Variants in NDC1 observed in about 807,000 individuals in gnomAD.
NDC1 encodes the protein nucleoporin NDC1.
In NDC1, 24 loss-of-function variants were observed where a neutral mutation model predicts 89.8. That is an observed-to-expected ratio of 0.27 (90% CI 0.19 to 0.38). The LOEUF is 0.38. Ranked by LOEUF, NDC1 falls within the 10% of genes least tolerant of loss-of-function variation. The pLI is 1.00. For missense variants in NDC1, 728 were observed against 797.6 expected, an observed-to-expected ratio of 0.91 and a Z score of 1.05; for synonymous variants, 296 against 284.8, an observed-to-expected ratio of 1.04 and a Z score of -0.39.
intron 9 of NDC1, among the ~76,000 whole-genome samples, chr1:53,804,542 T>A (rs1452878328): frequency 6.6e-6 from 1 of 152,170 alleles, no homozygotes; most frequent in East Asian, 1.9e-4. Context: ...AGTGATGTGA[T>A]CTCGGCTCAC....
chr1:53,778,014 A>T lies in NDC1; in HGVS notation c.1801-5525T>A, dbSNP rs551056986. ...GCGCCCGGAGAATCTTTTTTTTTTTAAAGTGATGTGATGTTGTAACAAAAG... is the reference window on the plus strand; with the variant it reads ...GCGCCCGGAGAATCTTTTTTTTTTTTAAGTGATGTGATGTTGTAACAAAAG... On this transcript the variant is annotated intron_variant, in intron 16 of 17. Transcript: ENST00000371429. Among the ~76,000 whole-genome samples, 612 of 151,280 alleles carry T rather than the reference A, an allele frequency of 4.0e-3. 4 individuals are homozygous for T. The highest frequency in any genetic ancestry group is 0.014 in the African/African-American group (578 of 41,270).
intron 9 of NDC1, 103 bp from the exon 10 acceptor site, chr1:53,804,112 A>G (rs1224179176): frequency 3.5e-6 from 3 of 847,686 alleles, no homozygotes; most frequent in Non-Finnish European, 1.9e-6. Context: ...AATTAATTAA[A>G]CTTTTTCATG....
rs537710951 is a variant in NDC1, at chr1:53,769,732, T to C, written c.1962-1699A>G. On this transcript the variant is annotated intron_variant, in intron 17 of 17. Transcript: ENST00000371429. ...TGTAGACTGCACAGTGGGCTTTACC[T>C]ACGTATGATCCCATTTTATCTTTAC... Among the ~76,000 whole-genome samples, 319 of 152,324 alleles carry C rather than the reference T, an allele frequency of 2.1e-3. 1 individual carries two copies. Among genetic ancestry groups the C allele is most frequent in the Non-Finnish European group, 3.1e-3 (212 of 68,026 alleles).
intron 15 of NDC1, among the ~76,000 whole-genome samples, chr1:53,788,338 G>A (rs1647373423): frequency 6.6e-6 from 1 of 151,734 alleles, no homozygotes; most frequent in Admixed American, 6.6e-5. Flanking sequence ...GCTCACACCT[G>A]TAATCTCATC....
At chr1:53,790,690 G>A (rs1190533119) in intron 14 of NDC1, among the ~76,000 whole-genome samples, 1 of 152,130 alleles carries the variant, frequency 6.6e-6, no homozygotes, top group Non-Finnish European at 1.5e-5. Context: ...CTGGGCGACA[G>A]AGCAAGACTT....
chr1:53,827,906 A>G (rs1648924362), intron 4 of NDC1, 93 bp downstream of exon 4: 2 of 949,970 alleles, frequency 2.1e-6, no homozygotes, highest in Admixed American at 3.2e-5. Flanking sequence ...AGAAGTCTGG[A>G]AAGCAAAGAA....
intron 17 of NDC1, among the ~76,000 whole-genome samples, chr1:53,769,241 G>T (rs1222336349): frequency 2.0e-5 from 3 of 152,160 alleles, no homozygotes; most frequent in African/African-American, 7.2e-5. Flanking sequence ...GCCTAAATTA[G>T]GAGTAAATGG....
At chr1:53,796,580 TAAAAAAA>T in intron 13 of NDC1, 102 bp downstream of exon 13, 3 of 430,482 alleles carry the variant, frequency 7.0e-6, no homozygotes, top group Non-Finnish European at 1.2e-5. Flanking sequence ...ACACGAAGCA[TAAAAAAA>T]AAAAAAAAAA....
At chr1:53,834,147 G>C (rs1282707545) in intron 2 of NDC1, among the ~76,000 whole-genome samples, 1 of 152,208 alleles carries the variant, frequency 6.6e-6, no homozygotes, top group Non-Finnish European at 1.5e-5. Context: ...CTTCTGATGA[G>C]GAAAATGGCA....
intron 5 of NDC1, among the ~76,000 whole-genome samples, chr1:53,819,690 GAAGACACTAGCCTAGGAATCA>G (rs1213355715): frequency 6.6e-6 from 1 of 152,204 alleles, no homozygotes; most frequent in African/African-American, 2.4e-5. Flanking sequence ...AGGCAGTGAA[GAAGACACTAGCCTAGGAATCA>G]AGAATTGTGA....
intron 16 of NDC1, among the ~76,000 whole-genome samples, chr1:53,785,729 C>T (rs1025013185): frequency 3.9e-5 from 6 of 151,982 alleles, no homozygotes; most frequent in Non-Finnish European, 7.4e-5. Flanking sequence ...CGCACCACCA[C>T]ACCTCGCTAA....
At chr1:53,771,907 TCA>T (rs1647116067) in intron 17 of NDC1, among the ~76,000 whole-genome samples, 1 of 152,160 alleles carries the variant, frequency 6.6e-6, no homozygotes, top group Non-Finnish European at 1.5e-5. Context: ...CCAGCATGAA[TCA>T]CAAAGCACCA....
At chr1:53,830,912 C>T (rs1208506920) in intron 3 of NDC1, among the ~76,000 whole-genome samples, 1 of 149,580 alleles carries the variant, frequency 6.7e-6, no homozygotes, top group Admixed American at 6.7e-5. Flanking sequence ...CCTACCGCAT[C>T]TGTTTCTCTC....
At chr1:53,793,830 A>G (rs1482232277) in intron 13 of NDC1, among the ~76,000 whole-genome samples, 1 of 152,024 alleles carries the variant, frequency 6.6e-6, no homozygotes, top group Non-Finnish European at 1.5e-5. Context: ...GACTCAAGCA[A>G]TCCTCTCACC....
intron 10 of NDC1, 115 bp downstream of exon 10, chr1:53,803,813 C>T (rs984147309): frequency 2.9e-5 from 21 of 733,762 alleles, no homozygotes; most frequent in African/African-American, 3.5e-5. Flanking sequence ...CCTCATGATC[C>T]GCCTGCCTCG....
Position 53,766,297 on chromosome 1 carries a change from G to C in NDC1, c.*1673C>G, listed in dbSNP as rs889422656. The C allele has an allele frequency of 6.6e-6, 1 of 152,136 alleles. No individual in the cohort carries two copies. The highest frequency in any genetic ancestry group is 1.5e-5 in the Non-Finnish European group (1 of 68,032). 9.4% of individuals were successfully genotyped at this position (152,136 alleles called of 1,614,324 possible). A position where few individuals can be genotyped will look rare whatever the true frequency, so the allele number is the denominator to read the frequency against. ...CTTTAATGGAAGCAGAAGATTCAGA[G>C]TCCTTGTCTCCCAAAATGCCTCAGC... On this transcript the variant is annotated 3_prime_UTR_variant, in exon 18 of 18. Coordinates refer to ENST00000371429, the MANE Select transcript of NDC1 (RefSeq NM_018087.5).
At chr1:53,794,888 TAA>T (rs1455434703) in intron 13 of NDC1, among the ~76,000 whole-genome samples, 2 of 151,992 alleles carry the variant, frequency 1.3e-5, no homozygotes, top group Non-Finnish European at 2.9e-5. Context: ...TCAAAATTTT[TAA>T]AAAAGTTCCT....
chr1:53,810,244 T>C (rs1648258300), intron 6 of NDC1, among the ~76,000 whole-genome samples: 1 of 152,130 alleles, frequency 6.6e-6, no homozygotes, highest in African/African-American at 2.4e-5. Flanking sequence ...ATGATACTTT[T>C]AAAAAATGAA....
chr1:53,818,173 A>G (rs1038633845), intron 6 of NDC1, among the ~76,000 whole-genome samples: 13 of 152,292 alleles, frequency 8.5e-5, no homozygotes, highest in African/African-American at 3.1e-4. Flanking sequence ...GTGGTGGCTC[A>G]TGCCTGTAAT....
Sources: allele counts gnomAD v4.1 joint callset (sites outside exome capture counted in the v4.1 genomes callset), GRCh38; gene constraint gnomAD v4.1.1; transcripts MANE v1.5; gene names NCBI Gene and HGNC (gene_info 2026-07-23, HGNC 2026-07-21).